The following KDELR2 variants were observed in gnomAD, a reference collection of about 807,000 sequenced individuals.
KDELR2 encodes the protein ER lumen protein-retaining receptor 2.
A neutral mutation model predicts 23.9 loss-of-function variants in KDELR2; 15 were observed. That is an observed-to-expected ratio of 0.63 (90% CI 0.42 to 0.97). The LOEUF is 0.97. KDELR2 is among the 50% of genes least tolerant of loss of function. The pLI is 0.00. For missense variants in KDELR2, 272 were observed against 254.6 expected (o/e 1.07, Z -0.46); for synonymous variants, 119 against 106.2 (o/e 1.12, Z -0.74).
At chr7:6,482,193 G>T (rs1178579203) in intron 1 of KDELR2, among the ~76,000 whole-genome samples, 1 of 151,982 alleles carries the variant, frequency 6.6e-6, no homozygotes, top group Non-Finnish European at 1.5e-5. Flanking sequence ...GTAGAGACGG[G>T]GTTTCTCCAT....
chr7:6,469,169 G>C (rs1173554263), intron 3 of KDELR2, among the ~76,000 whole-genome samples: 1 of 151,128 alleles, frequency 6.6e-6, no homozygotes, highest in African/African-American at 2.4e-5. Context: ...AGCCAGTATA[G>C]TCTCGATCTC....
chr7:6,480,744 G>C (rs891996598), intron 1 of KDELR2, among the ~76,000 whole-genome samples: 1 of 152,148 alleles, frequency 6.6e-6, no homozygotes, highest in Non-Finnish European at 1.5e-5. Flanking sequence ...CCAGTCATTT[G>C]AGAAACTCAT....
At chr7:6,477,656 C>A (rs1785783356) in intron 1 of KDELR2, among the ~76,000 whole-genome samples, 1 of 152,174 alleles carries the variant, frequency 6.6e-6, no homozygotes, top group Non-Finnish European at 1.5e-5. Flanking sequence ...GGTTAAATGT[C>A]TTTTGTTTTC....
chr7:6,479,500 C>T (rs1181688057), intron 1 of KDELR2, among the ~76,000 whole-genome samples: 1 of 151,732 alleles, frequency 6.6e-6, no homozygotes, highest in Non-Finnish European at 1.5e-5. Flanking sequence ...TTTTTTGAGA[C>T]GGAGTCTCCC....
Position 6,469,840 on chromosome 7 carries a change from G to A in KDELR2, c.193-86C>T, listed in dbSNP as rs567956553. 9.8e-5 allele frequency: 113 copies of A among 1,158,672 alleles called. No individual in the cohort carries two copies. The South Asian group carries it at 1.9e-3, about 19-fold the overall frequency. 71.8% of individuals were successfully genotyped at this position (1,158,672 alleles called of 1,614,324 possible). ...GCTTTTTTAATCACCCATGTATTTG[G>A]AAAGGCAAGATTTTTTTCCTTAGCT... On this transcript the variant is annotated intron_variant, in intron 2 of 4. Transcript: ENST00000258739.
intron 1 of KDELR2, among the ~76,000 whole-genome samples, chr7:6,481,736 C>A (rs1316905391): frequency 6.7e-6 from 1 of 150,268 alleles, no homozygotes; most frequent in Non-Finnish European, 1.5e-5. Context: ...TTTAAACAAA[C>A]AAACAAACAA....
rs1368059909 is a variant in KDELR2 at position 6,469,902 on chromosome 7, TTC to T, written c.193-150_193-149del. The T allele has an allele frequency of 1.4e-5, 9 of 661,658 alleles. No homozygotes were observed. In the East Asian group the frequency reaches 1.5e-4, roughly 11 times the overall value. 41.0% of individuals were successfully genotyped at this position (661,658 alleles called of 1,614,324 possible). A position where few individuals can be genotyped will look rare whatever the true frequency, so the allele number is the denominator to read the frequency against. On this transcript the variant is annotated intron_variant, in intron 2 of 4. Transcript: ENST00000258739. ...ATTTTAAAACTTAAATATAGTAAAA[TTC>T]TCTTTTTTGGAGGTGTTCAGTTCTG... is the stretch of plus-strand genomic sequence containing the variant.
intron 1 of KDELR2, among the ~76,000 whole-genome samples, chr7:6,480,094 A>T (rs1785856518): frequency 6.6e-6 from 1 of 152,220 alleles, no homozygotes; most frequent in Admixed American, 6.5e-5. Flanking sequence ...CAATCTAAGC[A>T]ACAGGGGAAG....
At position 6,461,548 on chromosome 7, in the gene KDELR2, GCT is replaced by G. The variant is rs1455435547; in HGVS notation, c.*1591_*1592del. ...AGACTAGGATGCTGCAAAGAAAGAT[GCT>G]CTGATACACAAAAGCCAAAACATAA... On this transcript the variant is annotated 3_prime_UTR_variant, in exon 5 of 5. Coordinates refer to ENST00000258739, the MANE Select transcript of KDELR2 (RefSeq NM_006854.4). 1 of 151,968 alleles carries G rather than the reference GCT, an allele frequency of 6.6e-6. No individual in the cohort carries two copies. The highest frequency in any genetic ancestry group is 1.9e-4 in the East Asian group (1 of 5,176). The allele number at this position is 151,968 out of a possible 1,614,324, so 9.4% of individuals were successfully genotyped here. A position where few individuals can be genotyped will look rare whatever the true frequency, so the allele number is the denominator to read the frequency against.
At chr7:6,480,731 A>G (rs572123762) in intron 1 of KDELR2, among the ~76,000 whole-genome samples, 1 of 152,236 alleles carries the variant, frequency 6.6e-6, no homozygotes, top group Non-Finnish European at 1.5e-5. Flanking sequence ...CGTTTCTCCT[A>G]TTCCAGTCAT....
intron 4 of KDELR2, among the ~76,000 whole-genome samples, chr7:6,463,810 C>T (rs372246674): frequency 4.6e-5 from 7 of 151,360 alleles, no homozygotes; most frequent in South Asian, 4.2e-4. Flanking sequence ...CCTATACTTC[C>T]GGCACTGTGG....
At chr7:6,480,597 T>A (rs1251608026) in intron 1 of KDELR2, among the ~76,000 whole-genome samples, 1 of 152,248 alleles carries the variant, frequency 6.6e-6, no homozygotes, top group South Asian at 2.1e-4. Flanking sequence ...TCATCCCTGA[T>A]CCTTATGGGG....
chr7:6,464,609 T>C (rs73057397), intron 4 of KDELR2, among the ~76,000 whole-genome samples: 65,265 of 151,924 alleles, frequency 0.43, 14,037 homozygotes, highest in Admixed American at 0.43. Flanking sequence ...GCAGACTCGC[T>C]TGAACTTGGG....
intron 1 of KDELR2, among the ~76,000 whole-genome samples, chr7:6,478,933 T>G (rs1583321064): frequency 6.6e-6 from 1 of 151,732 alleles, no homozygotes; most frequent in African/African-American, 2.4e-5. Flanking sequence ...GGACTACAGG[T>G]GCCTGCCACC....
At chr7:6,476,220 T>C (rs1257066817) in intron 1 of KDELR2, among the ~76,000 whole-genome samples, 1 of 152,122 alleles carries the variant, frequency 6.6e-6, no homozygotes, top group Non-Finnish European at 1.5e-5. Flanking sequence ...CACATCTAAA[T>C]AGAAATGGAA....
Position 6,469,477 on chromosome 7 carries a change from G to C in KDELR2, c.351+119C>G, listed in dbSNP as rs796761031. On this transcript the variant is annotated intron_variant, in intron 3 of 4. Coordinates refer to ENST00000258739, the MANE Select transcript of KDELR2 (RefSeq NM_006854.4). ...GCACCATGTTGGCCAGGCTGGTCTC[G>C]AACTCCTGACCTCATGATCCACCCA... 5.7e-5 allele frequency: 51 copies of C among 893,084 alleles called. No individual in the cohort carries two copies. In the African/African-American group the frequency reaches 8.1e-4, roughly 14 times the overall value. The allele number at this position is 893,084 out of a possible 1,614,324, so 55.3% of individuals were successfully genotyped here.
chr7:6,465,702 T>C (rs1346158706), intron 4 of KDELR2, among the ~76,000 whole-genome samples: 4 of 152,124 alleles, frequency 2.6e-5, no homozygotes, highest in African/African-American at 9.7e-5. Context: ...CTGTGGCTAC[T>C]GAAAATTATG....
At chr7:6,479,258 A>G (rs1259015520) in intron 1 of KDELR2, among the ~76,000 whole-genome samples, 1 of 151,562 alleles carries the variant, frequency 6.6e-6, no homozygotes, top group Non-Finnish European at 1.5e-5. Context: ...CCTGGGCTCC[A>G]GTAATCCTCC....
Position 6,471,188 on chromosome 7 carries a change from T to C in KDELR2, c.193-1434A>G, listed in dbSNP as rs1474175103. Among the ~76,000 whole-genome samples the C allele has an allele frequency of 2.4e-5, 3 of 126,498 alleles. No individual in the cohort carries two copies. The South Asian group carries it at 8.8e-4, about 37-fold the overall frequency. The allele number at this position is 126,498 out of a possible 152,430, so 83.0% of individuals were successfully genotyped here. A position where few individuals can be genotyped will look rare whatever the true frequency, so the allele number is the denominator to read the frequency against. On this transcript the variant is annotated intron_variant, in intron 2 of 4. Coordinates refer to ENST00000258739, the MANE Select transcript of KDELR2 (RefSeq NM_006854.4). ...CACATTTGTTTCGGTTTTTTTTTTT[T>C]TTTTTTTTTTTGAGATGGAGTCTCG...
Sources: gnomAD v4.1 joint callset for allele counts (sites outside exome capture counted in the v4.1 genomes callset) on GRCh38, gnomAD v4.1.1 for gene constraint, MANE v1.5 for transcripts, NCBI Gene and HGNC (gene_info 2026-07-23, HGNC 2026-07-21) for gene names.